The following CCDC137 variants were observed in gnomAD, a reference collection of about 807,000 sequenced individuals.
The protein encoded by CCDC137 is coiled-coil domain-containing protein 137.
Under a neutral mutation model 30.4 loss-of-function variants are expected in CCDC137, and 24 were observed. The observed-to-expected ratio is 0.79, with a 90% CI of 0.57 to 1.11. The LOEUF is 1.11. Ranked by LOEUF, CCDC137 falls within the 50% of genes least tolerant of loss-of-function variation. The probability of loss-of-function intolerance (pLI) is 0.00; values close to 1 mark genes in which losing one functional copy is unlikely to be tolerated. For synonymous variants in CCDC137, 182 were observed against 155.7 expected (o/e 1.17, Z -1.26); for missense variants, 417 against 380.4 (o/e 1.10, Z -0.80).
chr17:81,672,369 C>G lies in CCDC137; in HGVS notation c.661-126C>G, dbSNP rs562478944. 24 of 995,916 alleles carry G rather than the reference C, an allele frequency of 2.4e-5. No homozygotes were observed. In the African/African-American group the frequency reaches 3.8e-4, roughly 16 times the overall value. 61.7% of individuals were successfully genotyped at this position (995,916 alleles called of 1,614,324 possible). ...AAAAAAAACCCTCAGCCAACGTGTG[C>G]GCTGTCTGGTGTGTGGCCTGAGAGT... On this transcript the variant is annotated intron_variant, in intron 5 of 5. Transcript: ENST00000329214.
intron 2 of CCDC137, among the ~76,000 whole-genome samples, chr17:81,668,284 G>A (rs1400895100): frequency 6.6e-6 from 1 of 152,184 alleles, no homozygotes; most frequent in African/African-American, 2.4e-5. Flanking sequence ...CATGATTCTT[G>A]GGACAAGAGT....
chr17:81,671,802 A>T lies in CCDC137; in HGVS notation c.556A>T (p.Arg186Trp), dbSNP rs1483365723. The T allele has an allele frequency of 6.2e-7, 1 of 1,613,428 alleles. No individual in the cohort carries two copies. The highest frequency in any genetic ancestry group is 1.1e-5 in the South Asian group (1 of 91,016). Residue 186 changes from arginine to tryptophan, a missense_variant, in exon 4 of 6, where the codon AGG becomes TGG. Physicochemically the swap from Arg to Trp is moderately radical, Grantham distance 101. Transcript: ENST00000329214. ...GAAAAAGGAGGAAAAGGCGGCAGACAGGCTGGAGCAGGAGTTGCTCCGAGG... is the reference window on the plus strand; with the variant it reads ...GAAAAAGGAGGAAAAGGCGGCAGACTGGCTGGAGCAGGAGTTGCTCCGAGG... ...RRKKEEKAAD[R>W]LEQELLRDTV... is the part of the protein sequence containing the mutation.
At chr17:81,670,924 C>T (rs1401350487) in intron 3 of CCDC137, among the ~76,000 whole-genome samples, 4 of 151,818 alleles carry the variant, frequency 2.6e-5, no homozygotes, top group Non-Finnish European at 2.9e-5. Flanking sequence ...GTCAGGAGAT[C>T]GAGACCATCC....
At chr17:81,668,408 A>C (rs1019769684) in intron 2 of CCDC137, among the ~76,000 whole-genome samples, 2 of 152,174 alleles carry the variant, frequency 1.3e-5, no homozygotes, top group East Asian at 3.8e-4. Flanking sequence ...GGGTGTCCAC[A>C]TGTCCACCGC....
chr17:81,672,012 G>A (rs2036724461), intron 4 of CCDC137, 64 bp from the exon 5 acceptor site: 1 of 1,579,468 alleles, frequency 6.3e-7, no homozygotes, highest in African/African-American at 1.3e-5. Context: ...GCGGGTGGTG[G>A]CTCTGGGTGT....
chr17:81,671,606 C>A (rs2036720258), intron 3 of CCDC137, 138 bp from the exon 4 acceptor site: 12 of 745,804 alleles, frequency 1.6e-5, no homozygotes, highest in Non-Finnish European at 2.7e-5. Flanking sequence ...GTAAGGGGAG[C>A]GGGGACTTGG....
chr17:81,671,176 C>G (rs1267294275), intron 3 of CCDC137, among the ~76,000 whole-genome samples: 1 of 151,806 alleles, frequency 6.6e-6, no homozygotes, highest in African/African-American at 2.4e-5. Context: ...TGAGAGGTTG[C>G]TTTCAGCTCT....
At position 81,672,526 on chromosome 17, in the gene CCDC137, T is replaced by C. The variant is rs750078935; in HGVS notation, c.692T>C (p.Leu231Pro). Residue 231 changes from leucine to proline, a missense_variant, in exon 6 of 6, where the codon CTT (leucine) becomes CCT (proline). Physicochemically the swap from Leu to Pro is moderately conservative, Grantham distance 98 (BLOSUM62 -3). Transcript: ENST00000329214. ...AGGAGATCGCAGATGCTGCGGATGC[T>C]TCTGAGCCCCGGTGGTGTGTCCCAG... ...PGRRSQMLRM[L>P]LSPGGVSQPL... The C allele has an allele frequency of 5.1e-6, 8 of 1,565,348 alleles. No individual in the cohort carries two copies. Among genetic ancestry groups the C allele is most frequent in the Non-Finnish European group, 6.9e-6 (8 of 1,154,942 alleles).
intron 3 of CCDC137, among the ~76,000 whole-genome samples, chr17:81,671,057 G>A (rs990382544): frequency 4.1e-4 from 63 of 151,908 alleles, no homozygotes; most frequent in Admixed American, 3.3e-3. Flanking sequence ...GCTTGAATCC[G>A]GGAGGCAGAG....
intron 2 of CCDC137, among the ~76,000 whole-genome samples, chr17:81,668,407 C>T (rs1008488738): frequency 1.3e-5 from 2 of 152,176 alleles, no homozygotes; most frequent in Non-Finnish European, 2.9e-5. Flanking sequence ...AGGGTGTCCA[C>T]ATGTCCACCG....
At chr17:81,667,404 T>G in intron 1 of CCDC137, among the ~76,000 whole-genome samples, 1 of 149,276 alleles carries the variant, frequency 6.7e-6, no homozygotes, top group Non-Finnish European at 1.5e-5. Flanking sequence ...CTCGGCTCAC[T>G]GCAAGCTCCG....
At chr17:81,671,902 C>T in intron 4 of CCDC137, 76 bp downstream of exon 4, 1 of 1,550,668 alleles carries the variant, frequency 6.4e-7, no homozygotes, top group Non-Finnish European at 8.9e-7. Flanking sequence ...TCCCCACCAG[C>T]CCTGGCTGCA....
chr17:81,667,711 C>G lies in CCDC137; in HGVS notation c.135-18C>G. 1 of 1,613,484 alleles carries G rather than the reference C, an allele frequency of 6.2e-7. No individual in the cohort carries two copies. Among genetic ancestry groups the G allele is most frequent in the South Asian group, 1.1e-5 (1 of 91,054 alleles). ...GCTTTACTTGGGACGGGTCTCACCC[C>G]CGTGTTCTTTCTCCCAGCAAAGAGA... On this transcript the variant is annotated intron_variant, in intron 1 of 5. Transcript: ENST00000329214.
Position 81,672,715 on chromosome 17 carries a change from C to A in CCDC137, c.*11C>A. On this transcript the variant is annotated 3_prime_UTR_variant, in exon 6 of 6. Transcript: ENST00000329214. ...GAGCCGCAGCTGTGATGGAGAGACA[C>A]CCGGGGCCTGGCCACGCTCTGGGGC... The A allele has an allele frequency of 6.4e-7, 1 of 1,557,970 alleles. No individual in the cohort carries two copies. The highest frequency in any genetic ancestry group is 8.7e-7 in the Non-Finnish European group (1 of 1,150,496).
Position 81,667,750 on chromosome 17 carries a change from C to T in CCDC137, c.156C>T (p.Asn52=). ...GLRSKEKKKV[N]CKPKNQDEQE... is the part of the protein sequence containing the mutation. Reference sequence around the variant, plus strand: ...CCAGCAAAGAGAAGAAGAAAGTGAACTGCAAGCCCAAGAACCAGGACGAAC... The same window carrying T: ...CCAGCAAAGAGAAGAAGAAAGTGAATTGCAAGCCCAAGAACCAGGACGAAC... The change falls in exon 2 of 6, where the codon AAC becomes AAT. Residue 52 remains asparagine, a synonymous_variant. Transcript: ENST00000329214. 5 of 1,613,830 alleles carry T rather than the reference C, an allele frequency of 3.1e-6. No individual in the cohort carries two copies. Among genetic ancestry groups the T allele is most frequent in the Non-Finnish European group, 4.2e-6 (5 of 1,179,988 alleles).
chr17:81,672,575 C>G lies in CCDC137; in HGVS notation c.741C>G (p.Arg247=). The G allele has an allele frequency of 6.3e-7, 1 of 1,579,416 alleles. No homozygotes were observed. The highest frequency in any genetic ancestry group is 8.6e-7 in the Non-Finnish European group (1 of 1,163,150). The part of the protein sequence containing the change: ...VSQPLTASLA[R]QRIVEEERER... Reference sequence around the variant, plus strand: ...AGCCTCTGACCGCCTCCCTGGCCCGCCAGCGGATTGTGGAGGAGGAGAGAG... The same window carrying G: ...AGCCTCTGACCGCCTCCCTGGCCCGGCAGCGGATTGTGGAGGAGGAGAGAG... Residue 247 remains arginine, a synonymous_variant, in exon 6 of 6, where the codon CGC becomes CGG. Coordinates refer to ENST00000329214, the MANE Select transcript of CCDC137 (RefSeq NM_199287.3).
intron 3 of CCDC137, 30 bp downstream of exon 3, chr17:81,670,483 G>A: frequency 6.3e-7 from 1 of 1,577,068 alleles, no homozygotes; most frequent in Non-Finnish European, 8.7e-7. Context: ...GGAGGGGTCT[G>A]CCCTGGGAGC....
Position 81,667,843 on chromosome 17 carries a change from CAAG to C in CCDC137, c.254_256del (p.Lys85del), listed in dbSNP as rs762650421. On this transcript the variant is annotated inframe_deletion, in exon 2 of 6. Coordinates refer to ENST00000329214, the MANE Select transcript of CCDC137 (RefSeq NM_199287.3). ...AAGAGATGAAAAACCCGATCAGTAA[CAAG>C]AAGAGGAAGAAAGCAGGTGTGTGCA... The C allele has an allele frequency of 6.2e-6, 10 of 1,611,810 alleles. No homozygotes were observed. The highest frequency in any genetic ancestry group is 4.5e-5 in the East Asian group (2 of 44,884).
At chr17:81,668,028 C>T (rs62080206) in intron 2 of CCDC137, among the ~76,000 whole-genome samples, 166 bp downstream of exon 2, 20,526 of 152,084 alleles carry the variant, frequency 0.13, 1,483 homozygotes, top group Middle Eastern at 0.17. Flanking sequence ...CAGCTGGTGG[C>T]GCTGTGGTTC....
Sources: gnomAD v4.1 joint callset for allele counts (sites outside exome capture counted in the v4.1 genomes callset) on GRCh38, gnomAD v4.1.1 for gene constraint, MANE v1.5 for transcripts, NCBI Gene and HGNC (gene_info 2026-07-23, HGNC 2026-07-21) for gene names.